Variants in SPOCK3 observed in about 807,000 individuals in gnomAD.
The protein encoded by SPOCK3 is SPARC (osteonectin), cwcv and kazal like domains proteoglycan 3.
In SPOCK3, 30 loss-of-function variants were observed where a neutral mutation model predicts 56.6. The observed-to-expected ratio is 0.53, with a 90% CI of 0.40 to 0.72. The LOEUF is 0.72. Ranked by LOEUF, SPOCK3 falls within the 30% of genes least tolerant of loss-of-function variation. The pLI is 0.00. For missense variants in SPOCK3, 527 were observed against 530.0 expected, an observed-to-expected ratio of 0.99 and a Z score of 0.06; for synonymous variants, 196 against 183.3, an observed-to-expected ratio of 1.07 and a Z score of -0.56.
chr4:167,017,633 A>G (rs1750752178), intron 3 of SPOCK3, among the ~76,000 whole-genome samples: 1 of 152,104 alleles, frequency 6.6e-6, no homozygotes, highest in Non-Finnish European at 1.5e-5. Flanking sequence ...TTAACATCCA[A>G]TGCAGATACC....
intron 3 of SPOCK3, among the ~76,000 whole-genome samples, chr4:167,021,923 G>A (rs1751225276): frequency 6.6e-6 from 1 of 151,960 alleles, no homozygotes; most frequent in Non-Finnish European, 1.5e-5. Context: ...TGGGTATTAA[G>A]CTTATATAAT....
chr4:166,908,212 GAA>G (rs1285558893), intron 5 of SPOCK3, among the ~76,000 whole-genome samples: 2 of 151,124 alleles, frequency 1.3e-5, no homozygotes, highest in Non-Finnish European at 3.0e-5. Context: ...ACTTAAAATA[GAA>G]AGTTTTTGAA....
intron 4 of SPOCK3, among the ~76,000 whole-genome samples, chr4:166,918,133 C>A (rs1229350048): frequency 6.6e-6 from 1 of 152,118 alleles, no homozygotes; most frequent in Non-Finnish European, 1.5e-5. Flanking sequence ...GGAAAGAAGG[C>A]TACTTTTATT....
chr4:166,931,837 C>T (rs1739820891), intron 4 of SPOCK3, among the ~76,000 whole-genome samples: 1 of 152,156 alleles, frequency 6.6e-6, no homozygotes, highest in African/African-American at 2.4e-5. Flanking sequence ...TCTCAATAGG[C>T]ATTAGGCAGA....
intron 5 of SPOCK3, among the ~76,000 whole-genome samples, chr4:166,909,897 A>G (rs149038684): frequency 0.013 from 1,931 of 152,278 alleles, 22 homozygotes; most frequent in Non-Finnish European, 0.017. Flanking sequence ...TGTTGGGAAC[A>G]TAATAAAATG....
intron 2 of SPOCK3, among the ~76,000 whole-genome samples, chr4:167,157,413 C>T (rs1764906530): frequency 6.6e-6 from 1 of 151,706 alleles, no homozygotes; most frequent in Non-Finnish European, 1.5e-5. Context: ...ACAACACTTG[C>T]ATAAAACTAT....
intron 7 of SPOCK3, among the ~76,000 whole-genome samples, chr4:166,778,507 G>C (rs1739818016): frequency 6.6e-6 from 1 of 152,156 alleles, no homozygotes; most frequent in Non-Finnish European, 1.5e-5. Context: ...TTGGCGAGGG[G>C]AAGGGGTAAA....
intron 5 of SPOCK3, among the ~76,000 whole-genome samples, chr4:166,899,597 C>T (rs1253937390): frequency 6.7e-6 from 1 of 148,210 alleles, no homozygotes; most frequent in Non-Finnish European, 1.5e-5. Flanking sequence ...ACCTCTGCCT[C>T]CCAGGTTAAA....
intron 4 of SPOCK3, among the ~76,000 whole-genome samples, chr4:166,977,506 T>G (rs1746091179): frequency 6.6e-6 from 1 of 152,150 alleles, no homozygotes; most frequent in Non-Finnish European, 1.5e-5. Flanking sequence ...TATCTTTTCC[T>G]TGCCAATTTT....
At chr4:166,992,167 T>A (rs2150113266) in intron 4 of SPOCK3, among the ~76,000 whole-genome samples, 1 of 152,160 alleles carries the variant, frequency 6.6e-6, no homozygotes, top group Middle Eastern at 3.4e-3. Flanking sequence ...TGTGTTTGTG[T>A]AAATGTGTGT....
chr4:166,851,986 T>C (rs1273919983), intron 6 of SPOCK3, among the ~76,000 whole-genome samples: 1 of 151,634 alleles, frequency 6.6e-6, no homozygotes, highest in East Asian at 1.9e-4. Context: ...GATGAGTTCA[T>C]GTCCTTTGTA....
At chr4:167,055,679 C>A (rs1281672223) in intron 3 of SPOCK3, among the ~76,000 whole-genome samples, 2 of 152,200 alleles carry the variant, frequency 1.3e-5, no homozygotes. Context: ...GGGTCCTACG[C>A]CCACGGAGTC....
In SPOCK3 at chr4:167,012,178, A is replaced by G. The variant is rs1314940279; in HGVS notation, c.236-11715T>C. 2.6e-5 allele frequency among the ~76,000 whole-genome samples: 4 copies of G among 152,030 alleles called. No homozygotes were observed. In the East Asian group the frequency reaches 5.8e-4, roughly 22 times the overall value. On this transcript the variant is annotated intron_variant, in intron 3 of 10. Coordinates refer to ENST00000357545, the MANE Select transcript of SPOCK3 (RefSeq NM_001040159.2). ...AAGAAAGATGCATACAAACACAAAT[A>G]TCAGTGAATAAAGGTACAAGCAGTT...
intron 6 of SPOCK3, among the ~76,000 whole-genome samples, chr4:166,846,663 A>G (rs1748093467): frequency 6.6e-6 from 1 of 152,126 alleles, no homozygotes; most frequent in Non-Finnish European, 1.5e-5. Flanking sequence ...AAATTGGTAT[A>G]CTGTAATACC....
chr4:166,995,069 C>T (rs1380722963), intron 4 of SPOCK3, among the ~76,000 whole-genome samples: 2 of 151,942 alleles, frequency 1.3e-5, no homozygotes, highest in Non-Finnish European at 2.9e-5. Flanking sequence ...ATAATAAGAG[C>T]ACAAATTCTA....
intron 2 of SPOCK3, among the ~76,000 whole-genome samples, chr4:167,173,115 G>A (rs905115723): frequency 6.6e-6 from 1 of 152,110 alleles, no homozygotes; most frequent in African/African-American, 2.4e-5. Context: ...CTTGCCTTGA[G>A]TTATGTTTTT....
At chr4:167,193,393 C>T (rs1732641025) in intron 2 of SPOCK3, among the ~76,000 whole-genome samples, 2 of 145,924 alleles carry the variant, frequency 1.4e-5, no homozygotes, top group Non-Finnish European at 3.0e-5. Context: ...GGCATAAAAA[C>T]CCCACACATT....
intron 6 of SPOCK3, among the ~76,000 whole-genome samples, chr4:166,871,832 T>C (rs1377647452): frequency 6.7e-6 from 1 of 150,234 alleles, no homozygotes; most frequent in Non-Finnish European, 1.5e-5. Flanking sequence ...TAAAACAATA[T>C]AAAAAGAGTA....
At chr4:166,780,868 C>G (rs753673053) in intron 7 of SPOCK3, among the ~76,000 whole-genome samples, 4 of 152,134 alleles carry the variant, frequency 2.6e-5, no homozygotes, top group Non-Finnish European at 5.9e-5. Context: ...GGGGGACCCT[C>G]TCTGAGGCTC....
Sources: allele counts gnomAD v4.1 joint callset (sites outside exome capture counted in the v4.1 genomes callset), GRCh38; gene constraint gnomAD v4.1.1; transcripts MANE v1.5; gene names NCBI Gene and HGNC (gene_info 2026-07-23, HGNC 2026-07-21).